Variants in TPTE2 observed in about 807,000 individuals in gnomAD.
The protein encoded by TPTE2 is transmembrane phosphoinositide 3-phosphatase and tensin homolog 2.
A neutral mutation model predicts 78.6 loss-of-function variants in TPTE2; 53 were observed. The observed-to-expected ratio is 0.67, with a 90% confidence interval of 0.54 to 0.85. The LOEUF (loss-of-function observed/expected upper bound fraction) is 0.85, where lower values mean the gene tolerates loss of function less well. TPTE2 is among the 40% of genes least tolerant of loss of function. TPTE2 has a pLI of 0.00. For synonymous variants in TPTE2, 175 were observed against 206.2 expected, an observed-to-expected ratio of 0.85 and a Z score of 1.30; for missense variants, 461 against 623.0, an observed-to-expected ratio of 0.74 and a Z score of 2.77.
chr13:19,457,472 T>A (rs2497242), intron 10 of TPTE2, among the ~76,000 whole-genome samples: 1 of 152,108 alleles, frequency 6.6e-6, no homozygotes, highest in African/African-American at 2.4e-5. Context: ...CCCATCCCTA[T>A]GTATTAAGCC....
At chr13:19,466,099 C>G (rs1367131969) in intron 7 of TPTE2, among the ~76,000 whole-genome samples, 1 of 152,184 alleles carries the variant, frequency 6.6e-6, no homozygotes, top group African/African-American at 2.4e-5. Flanking sequence ...AGTGTGCTAG[C>G]TGGTATCTCT....
chr13:19,496,827 C>T lies in TPTE2; in HGVS notation c.12-3326G>A, dbSNP rs545347608. Among the ~76,000 whole-genome samples, 4 of 152,326 alleles carry T rather than the reference C, an allele frequency of 2.6e-5. No homozygotes were observed. The South Asian group carries it at 8.3e-4, about 32-fold the overall frequency. ...ATGGCCGAACAGGAACAGCTCCGGT[C>T]TACAGCTCCCAGCGTGAGCGACGCG... On this transcript the variant is annotated intron_variant, in intron 1 of 19. Coordinates refer to ENST00000400230, the Ensembl canonical transcript of TPTE2.
At chr13:19,531,887 A>G (rs552895787) in intron 1 of TPTE2, among the ~76,000 whole-genome samples, 2 of 152,326 alleles carry the variant, frequency 1.3e-5, no homozygotes, top group East Asian at 3.9e-4. Context: ...AGATCGCGCC[A>G]CTGCACTCCA....
intron 15 of TPTE2, among the ~76,000 whole-genome samples, chr13:19,435,309 T>C (rs1419955486): frequency 2.6e-5 from 4 of 152,190 alleles, no homozygotes; most frequent in East Asian, 1.9e-4. Context: ...AGTGTTAAGG[T>C]TTTTTGTTGT....
At chr13:19,475,929 T>C (rs1204916986) in intron 4 of TPTE2, among the ~76,000 whole-genome samples, 1 of 152,140 alleles carries the variant, frequency 6.6e-6, no homozygotes, top group Admixed American at 6.6e-5. Context: ...TCAAGGAGTA[T>C]AGCATGAAGA....
chr13:19,542,726 G>A, the TPTE2 span, among the ~76,000 whole-genome samples: 1 of 152,192 alleles, frequency 6.6e-6, no homozygotes, highest in African/African-American at 2.4e-5. Context: ...CAGGCATGGT[G>A]GCTCATGCCT....
chr13:19,424,033 T>C (rs1314933676), intron 19 of TPTE2, among the ~76,000 whole-genome samples: 6 of 152,236 alleles, frequency 3.9e-5, no homozygotes, highest in Admixed American at 3.9e-4. Context: ...ATGTTTTGCA[T>C]TGCAAGTGTG....
intron 13 of TPTE2, among the ~76,000 whole-genome samples, chr13:19,447,015 G>GAA (rs570067605): frequency 5.0e-4 from 76 of 152,110 alleles, no homozygotes; most frequent in African/African-American, 1.7e-3. Flanking sequence ...CAACATGTGG[G>GAA]GAGAATATAA....
At chr13:19,499,944 G>T (rs1288822102) in intron 1 of TPTE2, among the ~76,000 whole-genome samples, 1 of 142,606 alleles carries the variant, frequency 7.0e-6, no homozygotes, top group Non-Finnish European at 1.5e-5. Context: ...TCTATTAAAC[G>T]CAATAAAAAA....
chr13:19,502,788 TAAAGTA>T (rs1434054777), intron 1 of TPTE2, among the ~76,000 whole-genome samples: 4 of 150,642 alleles, frequency 2.7e-5, no homozygotes, highest in Non-Finnish European at 5.9e-5. Context: ...CCCTAAAACT[TAAAGTA>T]TAATTTTAAA....
chr13:19,560,493 T>C, the TPTE2 span: 88 of 1,591,058 alleles, frequency 5.5e-5, no homozygotes, highest in African/African-American at 1.2e-4. Context: ...CCTCCATTCA[T>C]ACTCTCTGCA....
chr13:19,456,400 G>A (rs142290813), intron 10 of TPTE2, among the ~76,000 whole-genome samples: 3,725 of 152,210 alleles, frequency 0.024, 63 homozygotes, highest in Middle Eastern at 0.051. Flanking sequence ...TGGGAGAAAT[G>A]CTTGAGCCCA....
chr13:19,452,606 A>G (rs1464251539), intron 10 of TPTE2, among the ~76,000 whole-genome samples: 1 of 152,220 alleles, frequency 6.6e-6, no homozygotes, highest in African/African-American at 2.4e-5. Flanking sequence ...AGTCAAAACA[A>G]CAATGAAATG....
At chr13:19,555,136 C>T in the TPTE2 span, among the ~76,000 whole-genome samples, 1 of 152,152 alleles carries the variant, frequency 6.6e-6, no homozygotes, top group Non-Finnish European at 1.5e-5. Context: ...TCTCAGATTA[C>T]CACATTTAAT....
At chr13:19,552,157 T>C in the TPTE2 span, among the ~76,000 whole-genome samples, 1 of 152,198 alleles carries the variant, frequency 6.6e-6, no homozygotes, top group South Asian at 2.1e-4. Flanking sequence ...ATTAGTGCAA[T>C]GGTTTTATGA....
At chr13:19,492,309 C>T (rs1343783479) in intron 3 of TPTE2, among the ~76,000 whole-genome samples, 1 of 152,116 alleles carries the variant, frequency 6.6e-6, no homozygotes, top group Non-Finnish European at 1.5e-5. Flanking sequence ...GTGGACAGAG[C>T]TCTCGAGGGT....
intron 1 of TPTE2, among the ~76,000 whole-genome samples, chr13:19,495,682 G>C (rs1056214013): frequency 6.6e-6 from 1 of 152,160 alleles, no homozygotes; most frequent in African/African-American, 2.4e-5. Context: ...ATGTATAACT[G>C]TATTCCTTGA....
At chr13:19,518,564 A>C (rs541526012) in intron 1 of TPTE2, among the ~76,000 whole-genome samples, 3 of 152,360 alleles carry the variant, frequency 2.0e-5, no homozygotes, top group Admixed American at 2.0e-4. Flanking sequence ...AGAAACCATT[A>C]GATACCTATT....
chr13:19,508,447 T>C (rs1367717018), intron 1 of TPTE2, among the ~76,000 whole-genome samples: 1 of 151,970 alleles, frequency 6.6e-6, no homozygotes, highest in Non-Finnish European at 1.5e-5. Flanking sequence ...AAGGAAGATG[T>C]TGAAACATGA....
Sources: allele counts gnomAD v4.1 joint callset (sites outside exome capture counted in the v4.1 genomes callset), GRCh38; gene constraint gnomAD v4.1.1; transcripts MANE v1.5; gene names NCBI Gene and HGNC (gene_info 2026-07-23, HGNC 2026-07-21).